The following ATP6V1C1 variants were observed in gnomAD, a reference collection of about 807,000 sequenced individuals.
ATP6V1C1 encodes ATPase H+ transporting V1 subunit C1, also known as V-type proton ATPase subunit C 1.
A neutral mutation model predicts 53.9 loss-of-function variants in ATP6V1C1; 45 were observed. The observed-to-expected ratio is 0.83, with a 90% CI of 0.66 to 1.07. The LOEUF is 1.07. Among genes scored for constraint, ATP6V1C1 ranks in the 50% least tolerant of loss-of-function variants. The probability of loss-of-function intolerance (pLI) is 0.00; values close to 1 mark genes in which losing one functional copy is unlikely to be tolerated. For synonymous variants in ATP6V1C1, 153 were observed against 155.2 expected, an observed-to-expected ratio of 0.99 and a Z score of 0.11; for missense variants, 315 against 440.3, an observed-to-expected ratio of 0.72 and a Z score of 2.55.
intron 1 of ATP6V1C1, among the ~76,000 whole-genome samples, chr8:103,037,558 G>T (rs1160894189): frequency 6.6e-6 from 1 of 152,002 alleles, no homozygotes; most frequent in Non-Finnish European, 1.5e-5. Context: ...AAAACAAAAA[G>T]GTTGTACTTT....
intron 1 of ATP6V1C1, among the ~76,000 whole-genome samples, chr8:103,023,381 G>T (rs1020006809): frequency 6.6e-6 from 1 of 151,762 alleles, no homozygotes; most frequent in East Asian, 1.9e-4. Context: ...TCCACTGAAG[G>T]ATTTGAAGAC....
intron 3 of ATP6V1C1, among the ~76,000 whole-genome samples, chr8:103,044,211 T>C (rs1817054783): frequency 6.6e-6 from 1 of 152,242 alleles, no homozygotes; most frequent in South Asian, 2.1e-4. Flanking sequence ...ATTGTATCTG[T>C]GAAGCACAAA....
At position 103,068,706 on chromosome 8, in the gene ATP6V1C1, G is replaced by A. The variant is rs1317485078; in HGVS notation, c.1108G>A (p.Val370Met). ...GAGTCAACAAGAATACTACCCCTAT[G>A]TGTACTACAAGATTGATTGCAACTT... ...NLSQQEYYPY[V>M]YYKIDCNLLE... Residue 370 changes from valine (V) to methionine (M), a missense_variant, in exon 13 of 13, where the codon GTG becomes ATG. Transcript: ENST00000518738. 1.2e-6 allele frequency: 2 copies of A among 1,610,980 alleles called. No individual in the cohort carries two copies. The highest frequency in any genetic ancestry group is 1.7e-5 in the Admixed American group (1 of 59,580).
chr8:103,040,532 T>A (rs1348233920), intron 1 of ATP6V1C1, among the ~76,000 whole-genome samples: 7 of 152,204 alleles, frequency 4.6e-5, no homozygotes, highest in African/African-American at 7.2e-5. Context: ...TAACTCCCGT[T>A]AAGGATGTTT....
chr8:103,023,041 A>T (rs1250135441), intron 1 of ATP6V1C1, among the ~76,000 whole-genome samples: 1 of 152,252 alleles, frequency 6.6e-6, no homozygotes, highest in Non-Finnish European at 1.5e-5. Context: ...AAACAGAGCT[A>T]GACCCTGTCT....
chr8:103,048,306 C>T (rs760556819), intron 3 of ATP6V1C1, among the ~76,000 whole-genome samples: 5 of 152,148 alleles, frequency 3.3e-5, no homozygotes, highest in Non-Finnish European at 7.4e-5. Flanking sequence ...TTTGCACCAA[C>T]CTAATAGTTT....
chr8:103,040,388 TG>T (rs1816974740), intron 1 of ATP6V1C1, among the ~76,000 whole-genome samples: 1 of 150,794 alleles, frequency 6.6e-6, no homozygotes, highest in African/African-American at 2.4e-5. Flanking sequence ...TACTCCAGCC[TG>T]GGCGACAGAG....
intron 12 of ATP6V1C1, 21 bp from the exon 13 acceptor site, chr8:103,068,631 A>G: frequency 6.5e-7 from 1 of 1,533,438 alleles, no homozygotes; most frequent in Non-Finnish European, 8.9e-7. Context: ...AAAATTGAAT[A>G]ATTGTCTGTT....
At chr8:103,026,405 T>A (rs1253321249) in intron 1 of ATP6V1C1, among the ~76,000 whole-genome samples, 1 of 152,344 alleles carries the variant, frequency 6.6e-6, no homozygotes, top group African/African-American at 2.4e-5. Context: ...GCCTTTCATA[T>A]TTAAGTATAT....
chr8:103,037,707 A>G (rs1453256748), intron 1 of ATP6V1C1, among the ~76,000 whole-genome samples: 1 of 152,222 alleles, frequency 6.6e-6, no homozygotes, highest in Admixed American at 6.5e-5. Context: ...TTTTAAAAAT[A>G]TTTAGTTTTG....
At chr8:103,025,269 A>G (rs941186938) in intron 1 of ATP6V1C1, among the ~76,000 whole-genome samples, 3 of 152,266 alleles carry the variant, frequency 2.0e-5, no homozygotes, top group Non-Finnish European at 4.4e-5. Context: ...TGTGGGTGCT[A>G]TTGGCAGTTT....
chr8:103,026,982 C>G (rs181264941), intron 1 of ATP6V1C1, among the ~76,000 whole-genome samples: 2 of 152,196 alleles, frequency 1.3e-5, no homozygotes, highest in Non-Finnish European at 2.9e-5. Flanking sequence ...GCTTCTGTTT[C>G]GAAGGATAGA....
chr8:103,041,523 C>T lies in ATP6V1C1; in HGVS notation c.132+555C>T, dbSNP rs537371192. Reference sequence around the variant, plus strand: ...AAAAGATCATGATACTGACATTTTGCTGGTTAACTGAATGAGGGAGTCGTA... The same window carrying T: ...AAAAGATCATGATACTGACATTTTGTTGGTTAACTGAATGAGGGAGTCGTA... On this transcript the variant is annotated intron_variant, in intron 2 of 12. Coordinates refer to ENST00000518738, the MANE Select transcript of ATP6V1C1 (RefSeq NM_001695.5). Among the ~76,000 whole-genome samples, 4 of 140,468 alleles carry T rather than the reference C, an allele frequency of 2.8e-5. No homozygotes were observed. In the East Asian group the frequency reaches 8.4e-4, roughly 29 times the overall value. The allele number at this position is 140,468 out of a possible 152,430, so 92.2% of individuals were successfully genotyped here.
intron 10 of ATP6V1C1, among the ~76,000 whole-genome samples, chr8:103,064,374 T>C (rs1373206662): frequency 6.6e-6 from 1 of 152,204 alleles, no homozygotes; most frequent in Non-Finnish European, 1.5e-5. Flanking sequence ...TGTTGTGTAG[T>C]AAATTCAGAT....
chr8:103,047,353 A>G (rs1817115845), intron 3 of ATP6V1C1, among the ~76,000 whole-genome samples: 1 of 149,490 alleles, frequency 6.7e-6, no homozygotes, highest in African/African-American at 2.5e-5. Flanking sequence ...GCTGCAATGC[A>G]CTGTGATTGC....
At chr8:103,042,483 A>G (rs1817018853) in intron 3 of ATP6V1C1, 76 bp downstream of exon 3, 4 of 1,421,734 alleles carry the variant, frequency 2.8e-6, no homozygotes, top group Admixed American at 3.4e-5. Flanking sequence ...TGGGTTTATT[A>G]TCACATGTAT....
intron 1 of ATP6V1C1, among the ~76,000 whole-genome samples, chr8:103,028,188 G>A (rs138810967): frequency 6.6e-6 from 1 of 152,292 alleles, no homozygotes; most frequent in Non-Finnish European, 1.5e-5. Context: ...TGTTAAGGGA[G>A]GCTTGGGTTG....
intron 1 of ATP6V1C1, among the ~76,000 whole-genome samples, chr8:103,030,984 A>G (rs1816787712): frequency 6.6e-6 from 1 of 152,158 alleles, no homozygotes; most frequent in African/African-American, 2.4e-5. Context: ...GATCTATCCT[A>G]ACAATGTTTG....
intron 1 of ATP6V1C1, among the ~76,000 whole-genome samples, chr8:103,034,536 CTAAACT>C (rs1221648667): frequency 6.6e-6 from 1 of 151,166 alleles, no homozygotes; most frequent in African/African-American, 2.4e-5. Context: ...TTGTTTGAAA[CTAAACT>C]TAAATTGTTC....
Sources: gnomAD v4.1 joint callset for allele counts (sites outside exome capture counted in the v4.1 genomes callset) on GRCh38, gnomAD v4.1.1 for gene constraint, MANE v1.5 for transcripts, NCBI Gene and HGNC (gene_info 2026-07-23, HGNC 2026-07-21) for gene names.